Variants in ATP10B observed in about 807,000 individuals in gnomAD.
ATP10B encodes the protein ATPase phospholipid transporting 10B (putative).
ATP10B carries 122 observed loss-of-function variants against 141.2 expected under a neutral mutation model. The ratio of observed to expected loss-of-function variants is 0.86; its 90% CI spans 0.75 to 1.00. The LOEUF is 1.00. ATP10B is among the 50% of genes least tolerant of loss of function. The pLI, the probability that ATP10B is intolerant of heterozygous loss-of-function variation, is 0.00. For missense variants in ATP10B, 1,876 were observed against 1,825.3 expected (o/e 1.03, Z -0.51); for synonymous variants, 685 against 692.0 (o/e 0.99, Z 0.16).
chr5:160,586,929 A>G (rs1181797717), intron 24 of ATP10B, among the ~76,000 whole-genome samples: 7 of 152,144 alleles, frequency 4.6e-5, no homozygotes, highest in Non-Finnish European at 1.0e-4. Context: ...TTTCACTCTG[A>G]TGATACTTTC....
At chr5:160,814,724 G>A (rs1241821971) in intron 1 of ATP10B, among the ~76,000 whole-genome samples, 2 of 152,150 alleles carry the variant, frequency 1.3e-5, no homozygotes, top group African/African-American at 2.4e-5. Context: ...AATGTTAAGG[G>A]CAGCCAGAGA....
At position 160,670,454 on chromosome 5, in the gene ATP10B, G is replaced by C. The variant is rs1335067822; in HGVS notation, c.675+9C>G. The C allele has an allele frequency of 6.8e-6, 11 of 1,613,666 alleles. No individual in the cohort carries two copies. Among genetic ancestry groups the C allele is most frequent in the Non-Finnish European group, 9.3e-6 (11 of 1,179,770 alleles). ...ACTTTACCATTGAAGATATTAGAAA[G>C]AGCCCTACCTGCTGTGAGAAGCCCT... is the stretch of plus-strand genomic sequence containing the variant. On this transcript the variant is annotated intron_variant, in intron 7 of 25. Coordinates refer to ENST00000327245, the MANE Select transcript of ATP10B (RefSeq NM_025153.3).
At chr5:160,835,645 CTT>C (rs1054802244) in intron 1 of ATP10B, among the ~76,000 whole-genome samples, 4 of 152,072 alleles carry the variant, frequency 2.6e-5, no homozygotes, top group African/African-American at 7.2e-5. Flanking sequence ...ACCAAAGAGA[CTT>C]TTCCTTTTCC....
chr5:160,772,117 T>A (rs529571086), intron 2 of ATP10B, among the ~76,000 whole-genome samples: 10 of 152,364 alleles, frequency 6.6e-5, no homozygotes, highest in African/African-American at 2.4e-4. Context: ...TATACTGATT[T>A]CAAATCTTTT....
At chr5:160,691,043 C>A (rs1169770394) in intron 3 of ATP10B, among the ~76,000 whole-genome samples, 1 of 152,164 alleles carries the variant, frequency 6.6e-6, no homozygotes, top group South Asian at 2.1e-4. Flanking sequence ...AGGATGAGTT[C>A]ATATACTTTG....
upstream of ATP10B, among the ~76,000 whole-genome samples, chr5:160,853,797 C>T (rs1386371302): frequency 2.0e-5 from 3 of 152,186 alleles, no homozygotes; most frequent in Admixed American, 6.5e-5. Context: ...ATAAGAAATG[C>T]TATGTTCAGT....
At chr5:160,842,208 C>T (rs970834071) in intron 1 of ATP10B, among the ~76,000 whole-genome samples, 1 of 152,032 alleles carries the variant, frequency 6.6e-6, no homozygotes, top group African/African-American at 2.4e-5. Flanking sequence ...GTTTGAAAAC[C>T]AAGCAATAAC....
chr5:160,843,464 A>T (rs1775926829), intron 1 of ATP10B, among the ~76,000 whole-genome samples: 1 of 152,108 alleles, frequency 6.6e-6, no homozygotes, highest in East Asian at 1.9e-4. Context: ...AACAAAGAGG[A>T]GTATCTAAGC....
At chr5:160,807,742 G>A (rs74601637) in intron 1 of ATP10B, among the ~76,000 whole-genome samples, 4,396 of 152,260 alleles carry the variant, frequency 0.029, 183 homozygotes, top group East Asian at 0.17. Context: ...TATTCTAGAT[G>A]AATTCTTTTT....
chr5:160,705,519 C>T (rs1764963105), intron 3 of ATP10B, among the ~76,000 whole-genome samples: 1 of 152,142 alleles, frequency 6.6e-6, no homozygotes, highest in African/African-American at 2.4e-5. Context: ...TTACAATCTG[C>T]CCAACACTTT....
chr5:160,827,264 G>A (rs1014581280), intron 1 of ATP10B, among the ~76,000 whole-genome samples: 18 of 152,146 alleles, frequency 1.2e-4, no homozygotes, highest in African/African-American at 3.1e-4. Context: ...AAGAACCTAC[G>A]TTGAAATATT....
chr5:160,648,153 T>C (rs967825868), intron 8 of ATP10B, among the ~76,000 whole-genome samples: 1 of 152,186 alleles, frequency 6.6e-6, no homozygotes, highest in Non-Finnish European at 1.5e-5. Flanking sequence ...CACATCACGA[T>C]ATTCGCTTTC....
At position 160,774,126 on chromosome 5, in the gene ATP10B, G is replaced by T. The variant is rs2127862618; in HGVS notation, c.-331+11433C>A. On this transcript the variant is annotated intron_variant, in intron 2 of 25. Coordinates refer to ENST00000327245, the MANE Select transcript of ATP10B (RefSeq NM_025153.3). ...GAGGATGATGTTTTCTTCTGCTGTGGTTCATTAGAAGCGTTTCCAGTGTAA... is the reference window on the plus strand; with the variant it reads ...GAGGATGATGTTTTCTTCTGCTGTGTTTCATTAGAAGCGTTTCCAGTGTAA... Among the ~76,000 whole-genome samples the T allele has an allele frequency of 1.3e-5, 2 of 152,270 alleles. 1 individual carries two copies. Among genetic ancestry groups the T allele is most frequent in the Middle Eastern group, 6.8e-3 (2 of 294 alleles).
intron 18 of ATP10B, among the ~76,000 whole-genome samples, chr5:160,611,454 A>G (rs1446860314): frequency 6.6e-6 from 1 of 152,136 alleles, no homozygotes; most frequent in African/African-American, 2.4e-5. Flanking sequence ...CAAGCTGAAA[A>G]TTACTTTCCT....
chr5:160,827,430 C>T (rs969073162), intron 1 of ATP10B, among the ~76,000 whole-genome samples: 2 of 152,014 alleles, frequency 1.3e-5, no homozygotes, highest in African/African-American at 4.8e-5. Context: ...TTTTTCATAC[C>T]TTTGTTGGCC....
intron 7 of ATP10B, among the ~76,000 whole-genome samples, chr5:160,653,066 A>G (rs1761010719): frequency 8.5e-6 from 1 of 118,332 alleles, no homozygotes; most frequent in African/African-American, 3.1e-5. Flanking sequence ...GTATATATTT[A>G]TGTATATATA....
chr5:160,896,951 A>C, the ATP10B span, among the ~76,000 whole-genome samples: 1 of 152,240 alleles, frequency 6.6e-6, no homozygotes, highest in African/African-American at 2.4e-5. Flanking sequence ...CCACATGATT[A>C]TCTCAATAGA....
At chr5:160,870,264 G>A in the ATP10B span, among the ~76,000 whole-genome samples, 1 of 152,166 alleles carries the variant, frequency 6.6e-6, no homozygotes, top group Non-Finnish European at 1.5e-5. Flanking sequence ...ACTATAGAGT[G>A]TTTCTCCTCT....
the ATP10B span, among the ~76,000 whole-genome samples, chr5:160,880,992 A>G: frequency 6.6e-6 from 1 of 152,220 alleles, no homozygotes; most frequent in Non-Finnish European, 1.5e-5. Flanking sequence ...CATCAAGAGA[A>G]TGAGAAGACA....
Sources: gnomAD v4.1 joint callset for allele counts (sites outside exome capture counted in the v4.1 genomes callset) on GRCh38, gnomAD v4.1.1 for gene constraint, MANE v1.5 for transcripts, NCBI Gene and HGNC (gene_info 2026-07-23, HGNC 2026-07-21) for gene names.